Variants in NOTO observed in about 807,000 individuals in gnomAD.
NOTO encodes notochord homeobox.
Under a neutral mutation model 20.5 loss-of-function variants are expected in NOTO, and 19 were observed. The ratio of observed to expected loss-of-function variants is 0.93; its 90% confidence interval spans 0.65 to 1.36. The LOEUF (loss-of-function observed/expected upper bound fraction) is 1.36, where lower values mean the gene tolerates loss of function less well. Among genes scored for constraint, NOTO ranks in the 40% most tolerant of loss-of-function variants. The probability of loss-of-function intolerance (pLI) is 0.00; values close to 1 mark genes in which losing one functional copy is unlikely to be tolerated. For synonymous variants in NOTO, 150 were observed against 150.2 expected (o/e 1.00, Z 0.01); for missense variants, 369 against 336.2 (o/e 1.10, Z -0.76).
chr2:73,203,091 G>C (rs1275839555), intron 1 of NOTO, 43 bp downstream of exon 1: 2 of 1,365,564 alleles, frequency 1.5e-6, no homozygotes, highest in African/African-American at 3.1e-5. Context: ...CTGGGCGGGG[G>C]CTGGAGAGCC....
At chr2:73,205,339 C>T (rs992536820) in intron 1 of NOTO, among the ~76,000 whole-genome samples, 13 of 151,860 alleles carry the variant, frequency 8.6e-5, no homozygotes, top group Admixed American at 4.6e-4. Flanking sequence ...GGCAAAACCC[C>T]GTCTCTACTA....
Position 73,202,936 on chromosome 2 carries a change from G to T in NOTO, c.270G>T (p.Leu90=), listed in dbSNP as rs1226238674. The T allele has an allele frequency of 8.6e-6, 13 of 1,519,312 alleles. No homozygotes were observed. Among genetic ancestry groups the T allele is most frequent in the Non-Finnish European group, 1.1e-5 (13 of 1,137,472 alleles). The allele number at this position is 1,519,312 out of a possible 1,614,324, so 94.1% of individuals were successfully genotyped here. The change falls in exon 1 of 3, where the codon CTG becomes CTT. Residue 90 remains leucine, a synonymous_variant. Transcript: ENST00000398468. The part of the protein sequence containing the change: ...TAASLCATGG[L]PWACPTSWLP... ...CTTCCCTGTGCGCCACCGGGGGTCT[G>T]CCCTGGGCTTGCCCGACATCGTGGC...
At chr2:73,204,463 A>G (rs962404766) in intron 1 of NOTO, among the ~76,000 whole-genome samples, 7 of 152,180 alleles carry the variant, frequency 4.6e-5, no homozygotes, top group Non-Finnish European at 8.8e-5. Flanking sequence ...GTTGTAACAC[A>G]GTCTTGCCGG....
rs1340847714 is a variant in NOTO, at chr2:73,211,119, C to G, written c.*190C>G. Reference sequence around the variant, plus strand: ...AATGTAATGATTGGAGGCACAGACTCTGGCCTTCAGCTATGTCCTTGGCCA... The same window carrying G: ...AATGTAATGATTGGAGGCACAGACTGTGGCCTTCAGCTATGTCCTTGGCCA... On this transcript the variant is annotated 3_prime_UTR_variant, in exon 3 of 3. Transcript: ENST00000398468. 1.4e-5 allele frequency: 8 copies of G among 552,802 alleles called. No individual in the cohort carries two copies. The highest frequency in any genetic ancestry group is 2.5e-5 in the Non-Finnish European group (8 of 316,002). The allele number at this position is 552,802 out of a possible 1,614,324, so 34.2% of individuals were successfully genotyped here. A position where few individuals can be genotyped will look rare whatever the true frequency, so the allele number is the denominator to read the frequency against.
At chr2:73,204,887 A>T (rs12328385) in intron 1 of NOTO, among the ~76,000 whole-genome samples, 32,731 of 102,322 alleles carry the variant, frequency 0.32, 5,668 homozygotes, top group African/African-American at 0.51. Flanking sequence ...TTATTTTTTT[A>T]TTTTTTTTTT....
rs947813412 is a variant in NOTO at position 73,203,038 on chromosome 2, C to T, written c.372C>T (p.Phe124=). The change falls in exon 1 of 3, where the codon TTC becomes TTT. Residue 124 remains phenylalanine, a synonymous_variant. Transcript: ENST00000398468. ...CTCCCGTCTGCGGCCTGCTGGGCTT[C>T]GGCGTCACAGGTACTGCGGTCCCGG... ...RVAPVCGLLG[F]GVTGLELAHC... is the part of the protein sequence containing the mutation. 3 of 1,398,242 alleles carry T rather than the reference C, an allele frequency of 2.1e-6. No homozygotes were observed. The highest frequency in any genetic ancestry group is 2.8e-6 in the Non-Finnish European group (3 of 1,079,134). 86.6% of individuals were successfully genotyped at this position (1,398,242 alleles called of 1,614,324 possible). A position where few individuals can be genotyped will look rare whatever the true frequency, so the allele number is the denominator to read the frequency against.
chr2:73,203,752 G>A (rs1686041549), intron 1 of NOTO, among the ~76,000 whole-genome samples: 1 of 151,974 alleles, frequency 6.6e-6, no homozygotes, highest in Admixed American at 6.6e-5. Context: ...ATCACCTGAA[G>A]TCAGGAGTTC....
chr2:73,206,144 T>G (rs146484387), intron 1 of NOTO, among the ~76,000 whole-genome samples: 239 of 152,334 alleles, frequency 1.6e-3, no homozygotes, highest in African/African-American at 5.4e-3. Flanking sequence ...CATTTAAATA[T>G]TTCCTCCATT....
intron 2 of NOTO, among the ~76,000 whole-genome samples, chr2:73,209,030 C>T (rs564277683): frequency 1.3e-4 from 19 of 151,656 alleles, no homozygotes; most frequent in Admixed American, 2.0e-4. Context: ...ACTAAAAATA[C>T]AAAAAAATCA....
intron 1 of NOTO, among the ~76,000 whole-genome samples, chr2:73,206,316 T>C (rs1330773515): frequency 6.6e-6 from 1 of 152,188 alleles, no homozygotes; most frequent in Non-Finnish European, 1.5e-5. Context: ...CTAAGCACCC[T>C]GTAAGCATCA....
chr2:73,209,483 CA>C (rs1200557622), intron 2 of NOTO, among the ~76,000 whole-genome samples: 2 of 135,574 alleles, frequency 1.5e-5, no homozygotes, highest in Non-Finnish European at 3.2e-5. Context: ...CAGCTCAGTC[CA>C]CCACTCAGCA....
intron 1 of NOTO, among the ~76,000 whole-genome samples, chr2:73,207,354 G>A (rs910866029): frequency 1.3e-5 from 2 of 152,116 alleles, no homozygotes; most frequent in African/African-American, 4.8e-5. Flanking sequence ...AAGGCTAGTG[G>A]GGGCTGAGTG....
chr2:73,203,712 T>A (rs1686040785), intron 1 of NOTO, among the ~76,000 whole-genome samples: 2 of 151,550 alleles, frequency 1.3e-5, no homozygotes, highest in South Asian at 2.1e-4. Flanking sequence ...CGCCTGTAAT[T>A]TCAGCACTTT....
In NOTO at chr2:73,208,509, C is replaced by G. The variant is rs13418681; in HGVS notation, c.492C>G (p.Asn164Lys). The G allele has an allele frequency of 9.8e-4, 1,518 of 1,551,522 alleles. 13 individuals carry two copies. In the African/African-American group the frequency reaches 0.017, roughly 17 times the overall value. ...RQQKRVRTMFNLEQLEELEKV... is the reference protein window; with the variant it reads ...RQQKRVRTMFKLEQLEELEKV... ...AAAAGAGAGTCCGAACTATGTTTAA[C>G]TTGGAGCAGCTGGAAGAGTTGGAGA... The change falls in exon 2 of 3, where the codon AAC (asparagine) becomes AAG (lysine). Residue 164 changes from asparagine (N) to lysine (K), a missense_variant. By Grantham distance (94) the Asn-to-Lys change is moderately conservative. Coordinates refer to ENST00000398468, the MANE Select transcript of NOTO (RefSeq NM_001134462.2).
chr2:73,207,928 T>G (rs1206405396), intron 1 of NOTO, among the ~76,000 whole-genome samples: 1 of 152,344 alleles, frequency 6.6e-6, no homozygotes, highest in South Asian at 2.1e-4. Flanking sequence ...ATTTCTAAGA[T>G]GTAAGCTCCA....
intron 1 of NOTO, among the ~76,000 whole-genome samples, chr2:73,207,761 G>C (rs1037821277): frequency 6.6e-6 from 1 of 152,034 alleles, no homozygotes; most frequent in African/African-American, 2.4e-5. Context: ...CACCATGTTG[G>C]CCAGGCTGGT....
At chr2:73,204,930 G>T (rs1312545961) in intron 1 of NOTO, among the ~76,000 whole-genome samples, 5 of 142,574 alleles carry the variant, frequency 3.5e-5, no homozygotes, top group Non-Finnish European at 1.5e-5. Context: ...CCTTAGGCTG[G>T]AGTGCAGTGG....
intron 2 of NOTO, 95 bp from the exon 3 acceptor site, chr2:73,210,676 T>C (rs1371936570): frequency 3.8e-6 from 4 of 1,055,692 alleles, no homozygotes; most frequent in Non-Finnish European, 4.0e-6. Context: ...GAAGAGCAAA[T>C]ATTGGCCAGG....
At chr2:73,204,059 A>T (rs1686049464) in intron 1 of NOTO, among the ~76,000 whole-genome samples, 1 of 83,890 alleles carries the variant, frequency 1.2e-5, no homozygotes, top group Non-Finnish European at 2.3e-5. Context: ...AGATCGCGCC[A>T]CTGCACTCCA....
Sources: gnomAD v4.1 joint callset for allele counts (sites outside exome capture counted in the v4.1 genomes callset) on GRCh38, gnomAD v4.1.1 for gene constraint, MANE v1.5 for transcripts, NCBI Gene and HGNC (gene_info 2026-07-23, HGNC 2026-07-21) for gene names.